GRID1: variants seen among roughly 807,000 people sequenced by gnomAD.
GRID1 encodes glutamate receptor ionotropic, delta-1.
In GRID1, 28 loss-of-function variants were observed where a neutral mutation model predicts 98.0. The ratio of observed to expected loss-of-function variants is 0.29; its 90% CI spans 0.21 to 0.39. The LOEUF (loss-of-function observed/expected upper bound fraction) is 0.39, where lower values mean the gene tolerates loss of function less well. GRID1 is among the 10% of genes least tolerant of loss of function. The probability of loss-of-function intolerance (pLI) is 1.00; values close to 1 mark genes in which losing one functional copy is unlikely to be tolerated. For synonymous variants in GRID1, 553 were observed against 538.5 expected (o/e 1.03, Z -0.37); for missense variants, 1,111 against 1,340.5 (o/e 0.83, Z 2.67).
intron 8 of GRID1, among the ~76,000 whole-genome samples, chr10:85,788,063 AAAG>A (rs765443037): frequency 0.011 from 1,637 of 145,156 alleles, 30 homozygotes; most frequent in African/African-American, 0.039. Flanking sequence ...ACAAAAAAAA[AAAG>A]AAAAGAAAAG....
At chr10:86,057,106 G>A (rs956092971) in intron 4 of GRID1, among the ~76,000 whole-genome samples, 1 of 152,226 alleles carries the variant, frequency 6.6e-6, no homozygotes, top group Admixed American at 6.5e-5. Context: ...CCAGTGAGTG[G>A]AGAGGACTCT....
chr10:85,602,299 C>T lies in GRID1; in HGVS notation c.3004G>A (p.Asp1002Asn), dbSNP rs1842590085. Residue 1002 changes from aspartate to asparagine, a missense_variant, in exon 16 of 16, where the codon GAC (aspartate) becomes AAC (asparagine). This residue lies in a region of GRID1 where 762 missense variants were observed against 869.1 expected (regional missense o/e 0.88). Coordinates refer to ENST00000327946, the MANE Select transcript of GRID1 (RefSeq NM_017551.3). ...VPGGVLPEAL[D>N]TSHGTSI The stretch of plus-strand genomic sequence containing the variant: ...CAGATGGAGGTCCCGTGGGAGGTGT[C>T]CAGAGCCTCTGGAAGGACGCCTCCA... 1 of 1,537,586 alleles carries T rather than the reference C, an allele frequency of 6.5e-7. No homozygotes were observed. The highest frequency in any genetic ancestry group is 8.8e-7 in the Non-Finnish European group (1 of 1,141,672).
chr10:85,702,221 G>T (rs1841459491), intron 12 of GRID1, among the ~76,000 whole-genome samples: 1 of 151,924 alleles, frequency 6.6e-6, no homozygotes, highest in Non-Finnish European at 1.5e-5. Context: ...GCTGAGAAAT[G>T]AAAGAAGTAC....
At chr10:86,200,710 G>A (rs1420805066) in intron 3 of GRID1, among the ~76,000 whole-genome samples, 1 of 152,070 alleles carries the variant, frequency 6.6e-6, no homozygotes, top group Non-Finnish European at 1.5e-5. Flanking sequence ...TTAACTTAAA[G>A]AAGATATTGC....
chr10:85,910,960 C>A (rs1000243728), intron 5 of GRID1, among the ~76,000 whole-genome samples: 2 of 152,124 alleles, frequency 1.3e-5, no homozygotes, highest in Non-Finnish European at 2.9e-5. Context: ...AAAGAAAAAC[C>A]CTGCCAAAAC....
chr10:85,997,759 G>T (rs973647601), intron 4 of GRID1, among the ~76,000 whole-genome samples: 1 of 151,896 alleles, frequency 6.6e-6, no homozygotes, highest in African/African-American at 2.4e-5. Context: ...TAAACATATC[G>T]ATCAAAAATT....
At chr10:85,698,552 GT>G (rs1168493777) in intron 12 of GRID1, among the ~76,000 whole-genome samples, 1 of 152,076 alleles carries the variant, frequency 6.6e-6, no homozygotes, top group Admixed American at 6.5e-5. Context: ...CAGAGTTGAT[GT>G]ATCCATTCAC....
intron 8 of GRID1, among the ~76,000 whole-genome samples, chr10:85,836,853 AG>A (rs1335448307): frequency 7.0e-6 from 1 of 142,360 alleles, no homozygotes; most frequent in East Asian, 2.0e-4. Context: ...AGGCAGCGTC[AG>A]GTGCCCTGGT....
intron 2 of GRID1, among the ~76,000 whole-genome samples, chr10:86,338,452 T>C (rs185960720): frequency 7.3e-4 from 111 of 152,318 alleles, no homozygotes; most frequent in African/African-American, 2.3e-3. Flanking sequence ...GAATCCCCTT[T>C]TGGCAAAGGC....
At chr10:86,064,335 A>T (rs979304713) in intron 4 of GRID1, among the ~76,000 whole-genome samples, 3 of 152,222 alleles carry the variant, frequency 2.0e-5, no homozygotes, top group African/African-American at 7.2e-5. Context: ...TGTTGAGCAC[A>T]ACGTCTGTGA....
intron 12 of GRID1, among the ~76,000 whole-genome samples, chr10:85,671,212 C>T (rs1176507878): frequency 6.6e-6 from 1 of 152,206 alleles, no homozygotes; most frequent in African/African-American, 2.4e-5. Flanking sequence ...GTAGCACAGG[C>T]TTGCCACCTT....
chr10:85,802,370 T>C (rs936581102), intron 8 of GRID1, among the ~76,000 whole-genome samples: 1 of 152,062 alleles, frequency 6.6e-6, no homozygotes, highest in Non-Finnish European at 1.5e-5. Context: ...GGTACAGTGA[T>C]AGATCAACTG....
chr10:85,657,495 T>TG, intron 12 of GRID1, among the ~76,000 whole-genome samples: 1 of 152,328 alleles, frequency 6.6e-6, no homozygotes, highest in Non-Finnish European at 1.5e-5. Flanking sequence ...ATAGGTTATA[T>TG]GTATGAATCA....
intron 4 of GRID1, among the ~76,000 whole-genome samples, chr10:86,025,917 C>T (rs990829262): frequency 1.3e-5 from 2 of 152,198 alleles, no homozygotes; most frequent in African/African-American, 4.8e-5. Flanking sequence ...TTCTGAGGAA[C>T]CTGCCTCTAA....
At chr10:86,327,502 T>C (rs1848069662) in intron 2 of GRID1, among the ~76,000 whole-genome samples, 1 of 152,222 alleles carries the variant, frequency 6.6e-6, no homozygotes, top group Non-Finnish European at 1.5e-5. Flanking sequence ...CATGGACACC[T>C]ATATACTGCT....
intron 5 of GRID1, among the ~76,000 whole-genome samples, chr10:85,912,171 C>T (rs1841548419): frequency 1.3e-5 from 2 of 152,222 alleles, no homozygotes; most frequent in Non-Finnish European, 2.9e-5. Flanking sequence ...ACTCACAGTT[C>T]AGTGGCCACC....
At chr10:85,703,800 A>G (rs1394709509) in intron 12 of GRID1, among the ~76,000 whole-genome samples, 1 of 152,096 alleles carries the variant, frequency 6.6e-6, no homozygotes, top group Non-Finnish European at 1.5e-5. Flanking sequence ...TATAATAACT[A>G]TCGATAGTTA....
intron 6 of GRID1, among the ~76,000 whole-genome samples, chr10:85,860,257 C>A (rs1476489003): frequency 6.6e-6 from 1 of 152,198 alleles, no homozygotes; most frequent in Non-Finnish European, 1.5e-5. Flanking sequence ...ACACTCATCC[C>A]CATGCAAGCA....
chr10:86,120,897 C>G (rs1281723943), intron 4 of GRID1, among the ~76,000 whole-genome samples: 1 of 152,114 alleles, frequency 6.6e-6, no homozygotes, highest in Non-Finnish European at 1.5e-5. Flanking sequence ...AGTAGAATGC[C>G]TCCTCCCTGG....
Sources: gnomAD v4.1 joint callset for allele counts (sites outside exome capture counted in the v4.1 genomes callset) on GRCh38, gnomAD v4.1.1 for gene constraint, gnomAD v4.1.1 regional missense constraint, MANE v1.5 for transcripts, NCBI Gene and HGNC (gene_info 2026-07-23, HGNC 2026-07-21) for gene names.